Variants in PTPRG observed in about 807,000 individuals in gnomAD.
PTPRG encodes the protein receptor-type tyrosine-protein phosphatase gamma.
In PTPRG, 102 loss-of-function variants were observed where a neutral mutation model predicts 165.3. The observed-to-expected ratio is 0.62, with a 90% CI of 0.53 to 0.73. The LOEUF (loss-of-function observed/expected upper bound fraction) is 0.73. Ranked by LOEUF, PTPRG falls within the 30% of genes least tolerant of loss-of-function variation. The pLI, the probability that PTPRG is intolerant of heterozygous loss-of-function variation, is 0.00. For missense variants in PTPRG, 1,866 were observed against 1,861.4 expected, an observed-to-expected ratio of 1.00 and a Z score of -0.05; for synonymous variants, 675 against 669.5, an observed-to-expected ratio of 1.01 and a Z score of -0.13.
chr3:62,239,442 A>G (rs1217218154), intron 14 of PTPRG, among the ~76,000 whole-genome samples: 1 of 143,552 alleles, frequency 7.0e-6, no homozygotes, highest in East Asian at 2.1e-4. Context: ...GCTCACTGCA[A>G]CCTCTGCCTC....
chr3:61,931,103 A>T (rs1419764705), intron 2 of PTPRG, among the ~76,000 whole-genome samples: 3 of 152,118 alleles, frequency 2.0e-5, no homozygotes, highest in Admixed American at 1.3e-4. Flanking sequence ...CCCGTGGGCC[A>T]TGTGCTGTGG....
At chr3:62,086,113 A>T (rs1435779064) in intron 5 of PTPRG, among the ~76,000 whole-genome samples, 1 of 152,092 alleles carries the variant, frequency 6.6e-6, no homozygotes, top group Non-Finnish European at 1.5e-5. Flanking sequence ...TTCTTTCTCC[A>T]TTTTTCTTCT....
rs571054753 is a variant in PTPRG at position 61,810,087 on chromosome 3, G to A, written c.190+61105G>A. 2.0e-5 allele frequency among the ~76,000 whole-genome samples: 3 copies of A among 152,286 alleles called. No homozygotes were observed. In the South Asian group the frequency reaches 6.2e-4, roughly 32 times the overall value. On this transcript the variant is annotated intron_variant, in intron 2 of 29. Coordinates refer to ENST00000474889, the MANE Select transcript of PTPRG (RefSeq NM_002841.4). ...GCCTGCACAGCCTAAATGGCTTTTG[G>A]TCTGTGGCCAGGAAGCCAGTGATAC...
chr3:61,583,077 AT>A, intron 1 of PTPRG, among the ~76,000 whole-genome samples: 1 of 152,352 alleles, frequency 6.6e-6, no homozygotes, highest in African/African-American at 2.4e-5. Flanking sequence ...AAATGGGCTT[AT>A]TCCTAGAGAT....
At chr3:61,981,729 T>C (rs537067766) in intron 2 of PTPRG, among the ~76,000 whole-genome samples, 42 of 152,350 alleles carry the variant, frequency 2.8e-4, no homozygotes, top group Admixed American at 1.1e-3. Flanking sequence ...CGTGCTCCGA[T>C]TGAATTTAGA....
intron 2 of PTPRG, among the ~76,000 whole-genome samples, chr3:61,862,308 T>C (rs2037291090): frequency 6.6e-6 from 1 of 152,196 alleles, no homozygotes; most frequent in East Asian, 1.9e-4. Context: ...TGTCATGTAG[T>C]GTAGTGGCCT....
rs182161803 is a variant in PTPRG at position 62,109,178 on chromosome 3, G to T, written c.616-23424G>T. On this transcript the variant is annotated intron_variant, in intron 5 of 29. Coordinates refer to ENST00000474889, the MANE Select transcript of PTPRG (RefSeq NM_002841.4). ...TCTTCTAGGATTTTTATGGTCCTAG[G>T]TCTTACATTTAAGTCTTTGATCCAT... 1.3e-4 allele frequency among the ~76,000 whole-genome samples: 20 copies of T among 152,254 alleles called. 1 individual carries two copies. Among genetic ancestry groups the T allele is most frequent in the African/African-American group, 4.3e-4 (18 of 41,546 alleles).
intron 1 of PTPRG, among the ~76,000 whole-genome samples, chr3:61,677,866 C>T (rs188704418): frequency 1.5e-3 from 232 of 152,078 alleles, no homozygotes; most frequent in Non-Finnish European, 3.0e-3. Flanking sequence ...AGTGTTGGGC[C>T]GTGGATGGGA....
chr3:62,159,185 C>T (rs561488283), intron 7 of PTPRG, among the ~76,000 whole-genome samples: 1 of 151,888 alleles, frequency 6.6e-6, no homozygotes, highest in Non-Finnish European at 1.5e-5. Context: ...AAAAAATTAT[C>T]CAGGCGTGGT....
intron 5 of PTPRG, among the ~76,000 whole-genome samples, chr3:62,114,918 A>G (rs9827532): frequency 0.73 from 111,229 of 152,080 alleles, 41,119 homozygotes; most frequent in Middle Eastern, 0.82. Flanking sequence ...GGGATTACAG[A>G]CATAAGCCAC....
intron 4 of PTPRG, among the ~76,000 whole-genome samples, chr3:62,034,606 A>G (rs1378553492): frequency 2.0e-5 from 3 of 152,240 alleles, no homozygotes; most frequent in Non-Finnish European, 4.4e-5. Context: ...GATATCCATT[A>G]AAATTCTTAC....
intron 1 of PTPRG, among the ~76,000 whole-genome samples, chr3:61,718,213 C>CAAAAAAAAAAAAAAAAAAAAAAAAAAAA (rs376955925): frequency 9.8e-6 from 1 of 102,444 alleles, no homozygotes; most frequent in Admixed American, 1.0e-4. Context: ...AAACAAAAAC[C>CAAAAAAAAAAAAAAAAAAAAAAAAAAAA]AAAAAAAAAA....
chr3:62,175,457 G>A (rs1417730881), intron 8 of PTPRG, among the ~76,000 whole-genome samples: 2 of 152,110 alleles, frequency 1.3e-5, no homozygotes, highest in Admixed American at 1.3e-4. Flanking sequence ...CTCTTAAAAA[G>A]AAAAGAAAAA....
intron 2 of PTPRG, among the ~76,000 whole-genome samples, chr3:61,961,972 C>T (rs916159903): frequency 1.8e-4 from 27 of 152,224 alleles, no homozygotes; most frequent in African/African-American, 5.8e-4. Flanking sequence ...CCCTTCTTTG[C>T]TGTCTTACAC....
At chr3:61,964,090 A>G (rs1005879492) in intron 2 of PTPRG, among the ~76,000 whole-genome samples, 10 of 152,220 alleles carry the variant, frequency 6.6e-5, no homozygotes, top group Non-Finnish European at 1.3e-4. Flanking sequence ...ACAAACTTTT[A>G]TCAGTGTAAG....
Position 61,595,181 on chromosome 3 carries a change from G to A in PTPRG, c.85+32809G>A, listed in dbSNP as rs376677622. On this transcript the variant is annotated intron_variant, in intron 1 of 29. Coordinates refer to ENST00000474889, the MANE Select transcript of PTPRG (RefSeq NM_002841.4). ...CCCTGGACGAAACCGAACAAGATGT[G>A]TTTGTTTTTTTTTTTTTCCTTTGTA... 4.1e-5 allele frequency among the ~76,000 whole-genome samples: 6 copies of A among 146,440 alleles called. No homozygotes were observed. The East Asian group carries it at 1.2e-3, about 29-fold the overall frequency.
intron 2 of PTPRG, among the ~76,000 whole-genome samples, chr3:61,794,066 G>T (rs138359769): frequency 6.6e-6 from 1 of 152,088 alleles, no homozygotes; most frequent in Non-Finnish European, 1.5e-5. Context: ...GGAGAAAGGC[G>T]AACTTTTCTG....
At chr3:61,611,942 G>T (rs911055956) in intron 1 of PTPRG, among the ~76,000 whole-genome samples, 3 of 152,058 alleles carry the variant, frequency 2.0e-5, no homozygotes, top group African/African-American at 2.4e-5. Flanking sequence ...CTGCTGTAAG[G>T]GTTTTTTGTT....
intron 1 of PTPRG, chr3:61,742,649 T>C: frequency 6.2e-7 from 1 of 1,605,206 alleles, no homozygotes; most frequent in Non-Finnish European, 8.5e-7. Context: ...AACTTGATTG[T>C]GGACTTCACC....
Sources: gnomAD v4.1 joint callset for allele counts (sites outside exome capture counted in the v4.1 genomes callset) on GRCh38, gnomAD v4.1.1 for gene constraint, MANE v1.5 for transcripts, NCBI Gene and HGNC (gene_info 2026-07-23, HGNC 2026-07-21) for gene names.